Variants in EHMT1 observed in about 807,000 individuals in gnomAD.
EHMT1 encodes the protein histone-lysine N-methyltransferase EHMT1.
EHMT1 carries 15 observed loss-of-function variants against 147.2 expected under a neutral mutation model. The ratio of observed to expected loss-of-function variants is 0.10; its 90% CI spans 0.07 to 0.16. The LOEUF (loss-of-function observed/expected upper bound fraction) is 0.16. Among genes scored for constraint, EHMT1 ranks in the 10% least tolerant of loss-of-function variants. The probability of loss-of-function intolerance (pLI) is 1.00; values close to 1 mark genes in which losing one functional copy is unlikely to be tolerated. For synonymous variants in EHMT1, 795 were observed against 709.6 expected, an observed-to-expected ratio of 1.12 and a Z score of -1.91; for missense variants, 1,587 against 1,772.4, an observed-to-expected ratio of 0.90 and a Z score of 1.88.
chr9:137,633,752 C>T (rs540170439), intron 1 of EHMT1, among the ~76,000 whole-genome samples: 30 of 152,154 alleles, frequency 2.0e-4, no homozygotes, highest in Non-Finnish European at 1.3e-4. Context: ...CCTCCCTCCC[C>T]GACCCCCGAC....
chr9:137,700,171 A>T (rs1943717641), intron 1 of EHMT1, among the ~76,000 whole-genome samples: 1 of 152,160 alleles, frequency 6.6e-6, no homozygotes, highest in African/African-American at 2.4e-5. Flanking sequence ...TATGGACTTG[A>T]CATGTGAGTA....
In EHMT1 at chr9:137,626,450, G is replaced by A. The variant is rs528464617; in HGVS notation, c.21+7401G>A. On this transcript the variant is annotated intron_variant, in intron 1 of 26. Coordinates refer to ENST00000460843, the MANE Select transcript of EHMT1 (RefSeq NM_024757.5). ...AGGCAGGAGGATTGCTTGAGTCCGG[G>A]AGGTTGAGGCTGCAGTGAGCCATGA... 1.5e-3 allele frequency among the ~76,000 whole-genome samples: 228 copies of A among 151,218 alleles called. 1 individual carries two copies. The highest frequency in any genetic ancestry group is 5.4e-3 in the African/African-American group (223 of 41,130).
At chr9:137,811,403 C>T in intron 18 of EHMT1, 58 bp from the exon 19 acceptor site, 1 of 1,607,096 alleles carries the variant, frequency 6.2e-7, no homozygotes, top group Admixed American at 1.7e-5. Context: ...TGTGGCCCAG[C>T]CCCAGCACTG....
At position 137,716,728 on chromosome 9, in the gene EHMT1, C is replaced by G. The variant is rs138292762; in HGVS notation, c.188C>G (p.Ala63Gly). The change falls in exon 3 of 27, where the codon GCC (alanine) becomes GGC (glycine). Residue 63 changes from alanine to glycine, a missense_variant. Transcript: ENST00000460843. ...ETNGSCENSDASSHANAAKHT... is the reference protein window; with the variant it reads ...ETNGSCENSDGSSHANAAKHT... ...AATGGGTCTTGTGAAAACAGCGATGCCAGCAGTCATGCAAATGCTGCAAAG... is the reference window on the plus strand; with the variant it reads ...AATGGGTCTTGTGAAAACAGCGATGGCAGCAGTCATGCAAATGCTGCAAAG... 3.7e-6 allele frequency: 6 copies of G among 1,612,238 alleles called. No homozygotes were observed. In the African/African-American group the frequency reaches 5.3e-5, roughly 14 times the overall value.
Position 137,776,093 on chromosome 9 carries a change from C to T in EHMT1, c.1792-525C>T, listed in dbSNP as rs1453928480. 6.6e-6 allele frequency among the ~76,000 whole-genome samples: 1 copy of T among 152,210 alleles called. No homozygotes were observed. Among genetic ancestry groups the T allele is most frequent in the Non-Finnish European group, 1.5e-5 (1 of 68,034 alleles). ...ACACCTTGCATGTCCTCCCCATCTT[C>T]AAACATCCTTTTTTTGGTTCTGCTA... is the stretch of plus-strand genomic sequence containing the variant. On this transcript the variant is annotated intron_variant, in intron 11 of 26. Transcript: ENST00000460843. The surrounding 1 kb of genome is among the most constrained non-coding windows in gnomAD (Gnocchi z 4.4).
chr9:137,793,483 G>C lies in EHMT1; in HGVS notation c.2505+2513G>C, dbSNP rs561522204. On this transcript the variant is annotated intron_variant, in intron 16 of 26. Coordinates refer to ENST00000460843, the MANE Select transcript of EHMT1 (RefSeq NM_024757.5). ...CAGCCATTGTGGAAACCAGTCTGGT[G>C]GTTCCTCAGATCGCTAAGCATAGGA... Among the ~76,000 whole-genome samples, 11 of 152,336 alleles carry C rather than the reference G, an allele frequency of 7.2e-5. No individual in the cohort carries two copies. In the East Asian group the frequency reaches 1.2e-3, roughly 16 times the overall value.
At chr9:137,670,699 C>G (rs1482071522) in intron 1 of EHMT1, among the ~76,000 whole-genome samples, 1 of 152,218 alleles carries the variant, frequency 6.6e-6, no homozygotes, top group Non-Finnish European at 1.5e-5. Flanking sequence ...CTCACTGAGG[C>G]CCTGCCCCTC....
At chr9:137,779,535 T>G in intron 13 of EHMT1, 100 bp from the exon 14 acceptor site, 4 of 1,247,920 alleles carry the variant, frequency 3.2e-6, no homozygotes, top group Non-Finnish European at 4.6e-6. Context: ...CCCATGAGCT[T>G]GAGGGGCTGG....
intron 16 of EHMT1, among the ~76,000 whole-genome samples, chr9:137,797,833 A>G (rs1366336675): frequency 6.6e-6 from 1 of 152,058 alleles, no homozygotes; most frequent in Non-Finnish European, 1.5e-5. Flanking sequence ...GGAGCAAAGC[A>G]AAGCAAACAC....
rs373996231 is a variant in EHMT1 at position 137,625,919 on chromosome 9, G to A, written c.21+6870G>A. Among the ~76,000 whole-genome samples, 7 of 150,988 alleles carry A rather than the reference G, an allele frequency of 4.6e-5. No homozygotes were observed. In the East Asian group the frequency reaches 1.4e-3, roughly 29 times the overall value. On this transcript the variant is annotated intron_variant, in intron 1 of 26. Coordinates refer to ENST00000460843, the MANE Select transcript of EHMT1 (RefSeq NM_024757.5). ...TGCCCAGGCTGGAGTGCAGTGGGGC[G>A]ATCTCGGCTCACTGCAACCTCTGCC...
chr9:137,655,093 G>C (rs1180127818), intron 1 of EHMT1, among the ~76,000 whole-genome samples: 1 of 152,048 alleles, frequency 6.6e-6, no homozygotes, highest in Non-Finnish European at 1.5e-5. Flanking sequence ...CCTCCTCTCA[G>C]GTTCAAAAGA....
chr9:137,655,564 T>C (rs1023159803), intron 1 of EHMT1, among the ~76,000 whole-genome samples: 2 of 152,222 alleles, frequency 1.3e-5, no homozygotes, highest in African/African-American at 4.8e-5. Flanking sequence ...AATAGTGTTT[T>C]TTATGCAGGG....
At chr9:137,795,401 G>GCGCA (rs1554887412) in intron 16 of EHMT1, among the ~76,000 whole-genome samples, 22 of 130,178 alleles carry the variant, frequency 1.7e-4, no homozygotes, top group African/African-American at 5.7e-4. Context: ...ATCGCAGGGT[G>GCGCA]CACACACACA....
In EHMT1 at chr9:137,712,781, C is replaced by T. The variant is rs13288495; in HGVS notation, c.85+1751C>T. 7.0e-3 allele frequency among the ~76,000 whole-genome samples: 1,066 copies of T among 152,168 alleles called. 8 individuals are homozygous for T. The highest frequency in any genetic ancestry group is 0.011 in the Non-Finnish European group (775 of 68,020). ...TAAATGTTTTCAATTTTGATGAAGT[C>T]CGACTTACCTGTTTTTTTCCTCCTT... On this transcript the variant is annotated intron_variant, in intron 2 of 26. Coordinates refer to ENST00000460843, the MANE Select transcript of EHMT1 (RefSeq NM_024757.5).
intron 3 of EHMT1, among the ~76,000 whole-genome samples, chr9:137,720,173 C>T (rs1006036723): frequency 6.6e-6 from 1 of 151,420 alleles, no homozygotes. Context: ...GTGCCGAACC[C>T]CCTTCACACC....
At chr9:137,627,165 G>C (rs1301376998) in intron 1 of EHMT1, among the ~76,000 whole-genome samples, 1 of 151,936 alleles carries the variant, frequency 6.6e-6, no homozygotes, top group Non-Finnish European at 1.5e-5. Context: ...CACCATGTTG[G>C]CCAGGCTGGT....
At chr9:137,763,104 T>G in intron 10 of EHMT1, 2 of 599,732 alleles carry the variant, frequency 3.3e-6, no homozygotes, top group Non-Finnish European at 5.9e-6. Context: ...TTGTCAAGGT[T>G]TTTCCTACCT....
chr9:137,760,518 C>T (rs1034568883), intron 9 of EHMT1, among the ~76,000 whole-genome samples: 5 of 152,154 alleles, frequency 3.3e-5, no homozygotes, highest in African/African-American at 9.7e-5. Flanking sequence ...GATCCAGAGG[C>T]GAGGCTGGGA....
chr9:137,627,609 G>A (rs1350782041), intron 1 of EHMT1, among the ~76,000 whole-genome samples: 1 of 152,048 alleles, frequency 6.6e-6, no homozygotes, highest in Non-Finnish European at 1.5e-5. Context: ...ACAGGCGTGA[G>A]CCGCCGCGCC....
Sources: allele counts gnomAD v4.1 joint callset (sites outside exome capture counted in the v4.1 genomes callset), GRCh38; gene constraint gnomAD v4.1.1; non-coding constraint Gnocchi (gnomAD v3.1); transcripts MANE v1.5; gene names NCBI Gene and HGNC (gene_info 2026-07-23, HGNC 2026-07-21).